Variants in MAST2 observed in about 807,000 individuals in gnomAD.
The protein encoded by MAST2 is microtubule-associated serine/threonine-protein kinase 2.
A neutral mutation model predicts 147.4 loss-of-function variants in MAST2; 70 were observed. The ratio of observed to expected loss-of-function variants is 0.47; its 90% CI spans 0.39 to 0.58. The LOEUF is 0.58. Among genes scored for constraint, MAST2 ranks in the 20% least tolerant of loss-of-function variants. The probability of loss-of-function intolerance (pLI) is 0.00; values close to 1 mark genes in which losing one functional copy is unlikely to be tolerated. For synonymous variants in MAST2, 869 were observed against 896.8 expected, an observed-to-expected ratio of 0.97 and a Z score of 0.55; for missense variants, 2,080 against 2,302.3, an observed-to-expected ratio of 0.90 and a Z score of 1.98.
At chr1:45,926,477 A>G (rs908815782) in intron 4 of MAST2, among the ~76,000 whole-genome samples, 1 of 152,232 alleles carries the variant, frequency 6.6e-6, no homozygotes, top group East Asian at 1.9e-4. Context: ...TAGGTGAGGC[A>G]GTGGCAGCTG....
At chr1:45,825,676 G>A (rs545451562) in intron 2 of MAST2, among the ~76,000 whole-genome samples, 68 of 151,816 alleles carry the variant, frequency 4.5e-4, no homozygotes, top group Non-Finnish European at 6.8e-4. Flanking sequence ...CAGGTGATCC[G>A]CCTGCCTTGG....
chr1:45,910,221 A>G (rs1398113806), intron 4 of MAST2, among the ~76,000 whole-genome samples: 1 of 151,686 alleles, frequency 6.6e-6, no homozygotes, highest in Non-Finnish European at 1.5e-5. Flanking sequence ...TGGGATCACA[A>G]CGTACTCATT....
rs565780149 is a variant in MAST2, at chr1:45,894,464, CTTGA to C, written c.500+12072_500+12075del. Among the ~76,000 whole-genome samples, 96 of 152,090 alleles carry C rather than the reference CTTGA, an allele frequency of 6.3e-4. 1 individual carries two copies. Among genetic ancestry groups the C allele is most frequent in the Non-Finnish European group, 4.6e-4 (31 of 67,990 alleles). ...TTTTTTATGAGGAGCCCTATGCTTG[CTTGA>C]TTAAGGACCTGATAAGTCAGCATAA... On this transcript the variant is annotated intron_variant, in intron 4 of 28. Transcript: ENST00000361297.
intron 4 of MAST2, among the ~76,000 whole-genome samples, chr1:45,929,053 CTGTCAG>C (rs1654864543): frequency 6.6e-6 from 1 of 152,146 alleles, no homozygotes; most frequent in African/African-American, 2.4e-5. Flanking sequence ...CAGTGTATAT[CTGTCAG>C]GAGGCGGGTA....
rs528362752 is a variant in MAST2, at chr1:45,814,069, A to G, written c.177+9997A>G. Reference sequence around the variant, plus strand: ...GTAATGCCTGTGTAAAACCTACTGCACTGCTGTGGTATAAAGGTACAGCAC... The same window carrying G: ...GTAATGCCTGTGTAAAACCTACTGCGCTGCTGTGGTATAAAGGTACAGCAC... On this transcript the variant is annotated intron_variant, in intron 1 of 28. Coordinates refer to ENST00000361297, the MANE Select transcript of MAST2 (RefSeq NM_015112.3). Among the ~76,000 whole-genome samples, 4 of 152,360 alleles carry G rather than the reference A, an allele frequency of 2.6e-5. No homozygotes were observed. In the South Asian group the frequency reaches 8.3e-4, roughly 32 times the overall value.
At chr1:45,999,080 C>T (rs1351796110) in intron 6 of MAST2, among the ~76,000 whole-genome samples, 1 of 152,118 alleles carries the variant, frequency 6.6e-6, no homozygotes, top group African/African-American at 2.4e-5. Context: ...AAGAGAGGCT[C>T]CTGGAAATGG....
intron 5 of MAST2, among the ~76,000 whole-genome samples, chr1:45,966,466 T>C (rs932810925): frequency 3.3e-5 from 5 of 151,720 alleles, no homozygotes; most frequent in Admixed American, 2.0e-4. Context: ...GCGTGGTGGC[T>C]CACGCCTGTA....
intron 4 of MAST2, among the ~76,000 whole-genome samples, chr1:45,894,568 T>A (rs1440285334): frequency 6.6e-6 from 1 of 152,178 alleles, no homozygotes; most frequent in Non-Finnish European, 1.5e-5. Context: ...GAATATACTT[T>A]AATATTGTAG....
At chr1:45,887,747 T>C (rs374910612) in intron 4 of MAST2, among the ~76,000 whole-genome samples, 12 of 152,352 alleles carry the variant, frequency 7.9e-5, no homozygotes, top group African/African-American at 2.9e-4. Flanking sequence ...GCGTCTGATA[T>C]AGGGCTTTAG....
intron 4 of MAST2, among the ~76,000 whole-genome samples, chr1:45,925,296 T>C (rs1206857046): frequency 6.6e-6 from 1 of 152,268 alleles, no homozygotes; most frequent in Non-Finnish European, 1.5e-5. Flanking sequence ...GAGTCTGTTA[T>C]AAACAAACGT....
intron 4 of MAST2, among the ~76,000 whole-genome samples, chr1:45,943,537 A>G (rs1657614248): frequency 6.6e-6 from 1 of 152,254 alleles, no homozygotes; most frequent in Non-Finnish European, 1.5e-5. Context: ...GAAATGTTTC[A>G]GTACTTGAAG....
chr1:46,034,534 A>C lies in MAST2; in HGVS notation c.3869-4A>C, dbSNP rs1646819318. Reference sequence around the variant, plus strand: ...TCTGTCTGTCTGTCTGTCTCTGTACAAAGTGGGAGGGAATTCATCACAGAG... The same window carrying C: ...TCTGTCTGTCTGTCTGTCTCTGTACCAAGTGGGAGGGAATTCATCACAGAG... On this transcript the variant is annotated splice_region_variant and splice_polypyrimidine_tract_variant and intron_variant, in intron 28 of 28. Transcript: ENST00000361297. 6.2e-7 allele frequency: 1 copy of C among 1,611,800 alleles called. No homozygotes were observed. Among genetic ancestry groups the C allele is most frequent in the Non-Finnish European group, 8.5e-7 (1 of 1,178,858 alleles).
At chr1:45,988,585 G>C (rs1186873923) in intron 5 of MAST2, among the ~76,000 whole-genome samples, 3 of 152,158 alleles carry the variant, frequency 2.0e-5, no homozygotes, top group Non-Finnish European at 4.4e-5. Context: ...TGGTCTGTAA[G>C]TGTCAATTAT....
intron 4 of MAST2, among the ~76,000 whole-genome samples, chr1:45,892,284 G>A (rs1647931211): frequency 6.6e-6 from 1 of 152,224 alleles, no homozygotes; most frequent in South Asian, 2.1e-4. Flanking sequence ...GGGAGGGTCA[G>A]TGAGAATCAG....
In MAST2 at chr1:46,030,192, G is replaced by A. The variant is rs190131434; in HGVS notation, c.2507G>A (p.Cys836Tyr). The A allele has an allele frequency of 1.6e-5, 26 of 1,614,256 alleles. No homozygotes were observed. In the East Asian group the frequency reaches 5.3e-4, roughly 33 times the overall value. The stretch of plus-strand genomic sequence containing the variant: ...GAGGAAGAAGTGAGTGAGGATGGCT[G>A]CCTTGAGATCCGCCAGTTCTCTTCC... ...EDEEEVSEDG[C>Y]LEIRQFSSCS... is the part of the protein sequence containing the mutation. The change falls in exon 21 of 29, where the codon TGC becomes TAC. Residue 836 changes from cysteine (C) to tyrosine (Y), a missense_variant. Transcript: ENST00000361297.
At chr1:45,882,454 G>A in intron 4 of MAST2, 59 bp downstream of exon 4, 1 of 1,304,488 alleles carries the variant, frequency 7.7e-7, no homozygotes, top group Non-Finnish European at 1.1e-6. Context: ...CCCCTCTTGG[G>A]AACATTTCCC....
intron 4 of MAST2, chr1:45,917,577 G>A (rs1331229331): frequency 1.5e-6 from 2 of 1,343,342 alleles, no homozygotes; most frequent in African/African-American, 3.0e-5. Context: ...AATTGCTTCT[G>A]GCCAAATGGT....
intron 3 of MAST2, among the ~76,000 whole-genome samples, chr1:45,860,852 A>G (rs1337288466): frequency 2.0e-5 from 3 of 150,626 alleles, no homozygotes; most frequent in Non-Finnish European, 4.4e-5. Flanking sequence ...AAATCTTACT[A>G]CTCCTCTCAA....
intron 1 of MAST2, among the ~76,000 whole-genome samples, chr1:45,808,343 G>T (rs1358579018): frequency 6.6e-6 from 1 of 152,086 alleles, no homozygotes; most frequent in Non-Finnish European, 1.5e-5. Context: ...CGTTTCTCCT[G>T]TCTCAGCCTC....
Sources: gnomAD v4.1 joint callset for allele counts (sites outside exome capture counted in the v4.1 genomes callset) on GRCh38, gnomAD v4.1.1 for gene constraint, MANE v1.5 for transcripts, NCBI Gene and HGNC (gene_info 2026-07-23, HGNC 2026-07-21) for gene names.